PGCKA1: variants seen among roughly 807,000 people sequenced by gnomAD.
PGCKA1 encodes PDCD10 and GCKIII kinases-associated protein 1.
the PGCKA1 span, among the ~76,000 whole-genome samples, chr4:37,493,060 A>G: frequency 4.6e-5 from 7 of 152,110 alleles, no homozygotes; most frequent in African/African-American, 1.7e-4. Context: ...AGATATATAT[A>G]TGTATATGCG....
chr4:37,524,582 C>T, the PGCKA1 span, among the ~76,000 whole-genome samples: 2 of 152,322 alleles, frequency 1.3e-5, no homozygotes, highest in African/African-American at 2.4e-5. Context: ...ATATTCTATT[C>T]GTCTCACCAC....
chr4:37,455,531 T>C, the PGCKA1 span, among the ~76,000 whole-genome samples: 1 of 152,230 alleles, frequency 6.6e-6, no homozygotes, highest in Non-Finnish European at 1.5e-5. Context: ...TCCGTGCATT[T>C]ATTCAGCAAG....
At chr4:37,485,468 C>A in the PGCKA1 span, among the ~76,000 whole-genome samples, 1 of 152,122 alleles carries the variant, frequency 6.6e-6, no homozygotes, top group African/African-American at 2.4e-5. Flanking sequence ...TTCCACCTTC[C>A]CCCATGGAAT....
At chr4:37,572,063 C>CTTTTTTTT in the PGCKA1 span, among the ~76,000 whole-genome samples, 4 of 89,994 alleles carry the variant, frequency 4.4e-5, no homozygotes, top group South Asian at 4.0e-4. Context: ...TTTTTTTTTT[C>CTTTTTTTT]TTTTTTTTTT....
At chr4:37,579,154 AAAC>A in the PGCKA1 span, among the ~76,000 whole-genome samples, 1 of 152,180 alleles carries the variant, frequency 6.6e-6, no homozygotes, top group South Asian at 2.1e-4. Context: ...AAAAACAAAA[AAAC>A]AAAGATTCTA....
chr4:37,524,591 A>G, the PGCKA1 span, among the ~76,000 whole-genome samples: 76,350 of 152,038 alleles, frequency 0.5, 20,042 homozygotes, highest in African/African-American at 0.64. Flanking sequence ...TCGTCTCACC[A>G]CAACCCTGAT....
At chr4:37,582,607 G>C in the PGCKA1 span, among the ~76,000 whole-genome samples, 1 of 152,160 alleles carries the variant, frequency 6.6e-6, no homozygotes, top group Non-Finnish European at 1.5e-5. Flanking sequence ...GTACAGGCCA[G>C]TTGCTTTGCA....
chr4:37,475,046 A>C, the PGCKA1 span, among the ~76,000 whole-genome samples: 25 of 152,332 alleles, frequency 1.6e-4, no homozygotes, highest in African/African-American at 5.5e-4. Flanking sequence ...TGGAAGGTAC[A>C]TCAGCAGAAT....
chr4:37,460,908 C>T, the PGCKA1 span: 1 of 398,526 alleles, frequency 2.5e-6, no homozygotes, highest in Non-Finnish European at 4.8e-6. Context: ...AAAATCTTTG[C>T]CCATGCCTAT....
At chr4:37,469,770 G>C in the PGCKA1 span, among the ~76,000 whole-genome samples, 1,193 of 152,250 alleles carry the variant, frequency 7.8e-3, 21 homozygotes, top group African/African-American at 0.028. Flanking sequence ...GAATTTTCTA[G>C]TGAAATGCAA....
chr4:37,590,440 A>G, the PGCKA1 span: 8 of 1,611,336 alleles, frequency 5.0e-6, no homozygotes, highest in Non-Finnish European at 6.8e-6. Context: ...TACTGCAAAT[A>G]CTGTTCCCCC....
At chr4:37,578,167 G>C in the PGCKA1 span, among the ~76,000 whole-genome samples, 22 of 152,154 alleles carry the variant, frequency 1.4e-4, no homozygotes, top group African/African-American at 4.1e-4. Context: ...AGCTATTGTT[G>C]TATTGGGGTC....
the PGCKA1 span, among the ~76,000 whole-genome samples, chr4:37,577,295 A>G: frequency 6.6e-5 from 10 of 152,122 alleles, no homozygotes; most frequent in African/African-American, 2.2e-4. Flanking sequence ...TTCATCTTCA[A>G]TCTTGATAGG....
At chr4:37,502,952 C>T in the PGCKA1 span, among the ~76,000 whole-genome samples, 1 of 152,088 alleles carries the variant, frequency 6.6e-6, no homozygotes, top group African/African-American at 2.4e-5. Flanking sequence ...GGCAAGACCA[C>T]CCTAAAGAGT....
the PGCKA1 span, chr4:37,588,722 C>G: frequency 1.5e-6 from 1 of 671,982 alleles, no homozygotes; most frequent in Non-Finnish European, 2.6e-6. Context: ...TGGTAGTTAT[C>G]CTTTTGCCAA....
At chr4:37,543,752 T>C in the PGCKA1 span, among the ~76,000 whole-genome samples, 29 of 151,194 alleles carry the variant, frequency 1.9e-4, no homozygotes, top group Admixed American at 1.9e-3. Context: ...GAGAATGGCG[T>C]GAACCCAGGA....
chr4:37,518,984 T>G, the PGCKA1 span, among the ~76,000 whole-genome samples: 2 of 152,250 alleles, frequency 1.3e-5, no homozygotes, highest in African/African-American at 4.8e-5. Context: ...CTCTTCTGTA[T>G]ATGGATATCC....
the PGCKA1 span, among the ~76,000 whole-genome samples, chr4:37,533,760 G>A: frequency 6.6e-6 from 1 of 152,182 alleles, no homozygotes; most frequent in Non-Finnish European, 1.5e-5. Flanking sequence ...AGTTATATTT[G>A]ACTCATATTT....
the PGCKA1 span, among the ~76,000 whole-genome samples, chr4:37,516,608 G>A: frequency 6.6e-6 from 1 of 152,084 alleles, no homozygotes. Context: ...GGAGCCCACT[G>A]GCCTAAATCA....
Sources: gnomAD v4.1 joint callset for allele counts (sites outside exome capture counted in the v4.1 genomes callset) on GRCh38, gnomAD v4.1.1 for gene constraint, MANE v1.5 for transcripts, NCBI Gene and HGNC (gene_info 2026-07-23, HGNC 2026-07-21) for gene names.